Variants in FBLN5 observed in about 807,000 individuals in gnomAD.
The protein encoded by FBLN5 is fibulin 5.
A neutral mutation model predicts 61.6 loss-of-function variants in FBLN5; 24 were observed. The observed-to-expected ratio is 0.39, with a 90% CI of 0.28 to 0.55. FBLN5 has a LOEUF of 0.55. FBLN5 is among the 20% of genes least tolerant of loss of function. The pLI is 0.65. For synonymous variants in FBLN5, 213 were observed against 219.8 expected, an observed-to-expected ratio of 0.97 and a Z score of 0.27; for missense variants, 470 against 594.1, an observed-to-expected ratio of 0.79 and a Z score of 2.17.
In FBLN5 at chr14:91,917,522, G is replaced by A. The variant is rs545063894; in HGVS notation, c.379+19425C>T. 3.1e-5 allele frequency among the ~76,000 whole-genome samples: 4 copies of A among 127,046 alleles called. No homozygotes were observed. The East Asian group carries it at 9.7e-4, about 31-fold the overall frequency. 83.3% of individuals were successfully genotyped at this position (127,046 alleles called of 152,430 possible). A position where few individuals can be genotyped will look rare whatever the true frequency, so the allele number is the denominator to read the frequency against. On this transcript the variant is annotated intron_variant, in intron 4 of 10. Transcript: ENST00000342058. Reference sequence around the variant, plus strand: ...ATGCGGGAGGTAGAGGTTGCAGTGAGCCAAGATCAAGCCACTGCGCTCCAG... The same window carrying A: ...ATGCGGGAGGTAGAGGTTGCAGTGAACCAAGATCAAGCCACTGCGCTCCAG...
chr14:91,926,969 C>T (rs532567183), intron 4 of FBLN5, among the ~76,000 whole-genome samples: 1 of 152,296 alleles, frequency 6.6e-6, no homozygotes, highest in South Asian at 2.1e-4. Context: ...TGATAGGATT[C>T]GAACCCACGT....
chr14:91,883,101 G>A (rs773456635), intron 7 of FBLN5, 25 bp from the exon 8 acceptor site: 1 of 1,612,892 alleles, frequency 6.2e-7, no homozygotes, highest in African/African-American at 1.3e-5. Context: ...CACACCTGCT[G>A]TTTGTAATCC....
intron 10 of FBLN5, among the ~76,000 whole-genome samples, chr14:91,875,338 G>A (rs1027774138): frequency 1.3e-5 from 2 of 152,150 alleles, no homozygotes; most frequent in Non-Finnish European, 2.9e-5. Context: ...AGCTGATGTT[G>A]ACATCCTGAA....
intron 3 of FBLN5, chr14:91,938,466 CAAAAACAAA>C (rs1188174921): frequency 6.6e-6 from 1 of 151,344 alleles, no homozygotes; most frequent in Non-Finnish European, 1.5e-5. Context: ...AAAACAAAAA[CAAAAACAAA>C]AAAAAGAAAA....
rs1034540260 is a variant in FBLN5, at chr14:91,880,522, C to T, written c.989+770G>A. On this transcript the variant is annotated intron_variant, in intron 9 of 10. Coordinates refer to ENST00000342058, the MANE Select transcript of FBLN5 (RefSeq NM_006329.4). Reference sequence around the variant, plus strand: ...TGATAGAGAACTCTGTGGGAGTGTGCGTGCGTGTGTGTGTGTGTGTGTGTG... The same window carrying T: ...TGATAGAGAACTCTGTGGGAGTGTGTGTGCGTGTGTGTGTGTGTGTGTGTG... 6.6e-5 allele frequency among the ~76,000 whole-genome samples: 7 copies of T among 106,832 alleles called. No homozygotes were observed. In the East Asian group the frequency reaches 8.0e-4, roughly 12 times the overall value. 70.1% of individuals were successfully genotyped at this position (106,832 alleles called of 152,430 possible).
chr14:91,881,255 T>A, intron 9 of FBLN5, 37 bp downstream of exon 9: 1 of 1,612,688 alleles, frequency 6.2e-7, no homozygotes. Context: ...CAGGCCCTCA[T>A]CAGGTTTCTA....
Position 91,937,166 on chromosome 14 carries a change from G to C in FBLN5, c.160C>G (p.Arg54Gly). 5 of 1,614,088 alleles carry C rather than the reference G, an allele frequency of 3.1e-6. No homozygotes were observed. The highest frequency in any genetic ancestry group is 2.2e-5 in the East Asian group (1 of 44,882). The change falls in exon 4 of 11, where the codon CGA becomes GGA. Residue 54 changes from arginine (R) to glycine (G), a missense_variant. Coordinates refer to ENST00000342058, the MANE Select transcript of FBLN5 (RefSeq NM_006329.4). ...DECRTIPEAC[R>G]GDMMCVNQNG... The stretch of plus-strand genomic sequence containing the variant: ...TGGTTAACACACATCATGTCTCCTC[G>C]GCAGGCCTCGGGGATGGTTCGGCAT...
intron 4 of FBLN5, among the ~76,000 whole-genome samples, chr14:91,935,099 T>C (rs1311127604): frequency 6.6e-6 from 1 of 152,200 alleles, no homozygotes; most frequent in African/African-American, 2.4e-5. Flanking sequence ...CTAGGGCTCC[T>C]AGATTGTATT....
chr14:91,917,571 A>G (rs1322145178), intron 4 of FBLN5, among the ~76,000 whole-genome samples: 3 of 92,098 alleles, frequency 3.3e-5, no homozygotes, highest in Non-Finnish European at 4.4e-5. Flanking sequence ...GTGAGACTCC[A>G]TCTCAAAAAA....
rs547246861 is a variant in FBLN5, at chr14:91,919,451, GA to G, written c.379+17495del. ...GAAGGAAGGATTACCAGGGGTCTCT[GA>G]CCTCAAAAGGGTCCCCACTGGAGGA... On this transcript the variant is annotated intron_variant, in intron 4 of 10. Coordinates refer to ENST00000342058, the MANE Select transcript of FBLN5 (RefSeq NM_006329.4). Among the ~76,000 whole-genome samples the G allele has an allele frequency of 2.0e-5, 3 of 150,892 alleles. No homozygotes were observed. In the East Asian group the frequency reaches 5.8e-4, roughly 29 times the overall value.
chr14:91,929,401 C>A (rs1232333867), intron 4 of FBLN5, among the ~76,000 whole-genome samples: 1 of 152,050 alleles, frequency 6.6e-6, no homozygotes, highest in African/African-American at 2.4e-5. Flanking sequence ...GACGATAGAT[C>A]CCTTGATTTA....
Position 91,891,467 on chromosome 14 carries a change from A to T in FBLN5, c.503-130T>A, listed in dbSNP as rs1889993903. 3 of 748,844 alleles carry T rather than the reference A, an allele frequency of 4.0e-6. No homozygotes were observed. In the East Asian group the frequency reaches 7.5e-5, roughly 19 times the overall value. The allele number at this position is 748,844 out of a possible 1,614,324, so 46.4% of individuals were successfully genotyped here. A position where few individuals can be genotyped will look rare whatever the true frequency, so the allele number is the denominator to read the frequency against. ...GAAGCAAATGGGAACAGGAGCCAAG[A>T]CAGTGCCTACTGAGTGTCACGGATG... On this transcript the variant is annotated intron_variant, in intron 5 of 10. Coordinates refer to ENST00000342058, the MANE Select transcript of FBLN5 (RefSeq NM_006329.4).
chr14:91,888,202 G>C (rs1889817390), intron 6 of FBLN5, among the ~76,000 whole-genome samples: 1 of 152,136 alleles, frequency 6.6e-6, no homozygotes, highest in Non-Finnish European at 1.5e-5. Flanking sequence ...GGGAGGCTGA[G>C]GAGGGAGAAT....
intron 1 of FBLN5, among the ~76,000 whole-genome samples, chr14:91,944,956 C>T (rs1022542955): frequency 6.6e-6 from 1 of 152,228 alleles, no homozygotes; most frequent in African/African-American, 2.4e-5. Flanking sequence ...TCAGGCTGGG[C>T]ATGGTGGCTC....
intron 4 of FBLN5, among the ~76,000 whole-genome samples, chr14:91,932,732 C>T (rs946231563): frequency 1.3e-5 from 2 of 152,198 alleles, no homozygotes. Context: ...TAAGATAACC[C>T]GCGCCCCGGC....
chr14:91,912,735 G>C (rs1001162987), intron 4 of FBLN5, among the ~76,000 whole-genome samples: 1 of 151,108 alleles, frequency 6.6e-6, no homozygotes, highest in Non-Finnish European at 1.5e-5. Context: ...GCTTGAGCCC[G>C]GGAAATCGAG....
intron 4 of FBLN5, among the ~76,000 whole-genome samples, chr14:91,909,558 T>C (rs185866198): frequency 6.6e-6 from 1 of 152,260 alleles, no homozygotes; most frequent in South Asian, 2.1e-4. Context: ...TAAATAAAAT[T>C]AGATAAAGTC....
intron 4 of FBLN5, among the ~76,000 whole-genome samples, chr14:91,902,432 T>C (rs1407200449): frequency 6.6e-6 from 1 of 152,218 alleles, no homozygotes; most frequent in African/African-American, 2.4e-5. Flanking sequence ...TAGAAGCCAG[T>C]AGTTTCCAAA....
In FBLN5 at chr14:91,882,414, G is replaced by A. The variant is rs1007876801; in HGVS notation, c.862+540C>T. Among the ~76,000 whole-genome samples, 1 of 152,174 alleles carries A rather than the reference G, an allele frequency of 6.6e-6. No homozygotes were observed. The highest frequency in any genetic ancestry group is 1.5e-5 in the Non-Finnish European group (1 of 68,028). ...CCCTCAGTGGGTGGAGCATGGGGCT[G>A]GAACCCAGGCTAAGCAGGCAAACAG... is the stretch of plus-strand genomic sequence containing the variant. On this transcript the variant is annotated intron_variant, in intron 8 of 10. Transcript: ENST00000342058. The surrounding 1 kb of genome is among the most constrained non-coding windows in gnomAD (Gnocchi z 4.9).
Sources: gnomAD v4.1 joint callset for allele counts (sites outside exome capture counted in the v4.1 genomes callset) on GRCh38, gnomAD v4.1.1 for gene constraint, Gnocchi (gnomAD v3.1) non-coding constraint, MANE v1.5 for transcripts, NCBI Gene and HGNC (gene_info 2026-07-23, HGNC 2026-07-21) for gene names.